The following ZDHHC5 variants were observed in gnomAD, a reference collection of about 807,000 sequenced individuals.
ZDHHC5 encodes palmitoyltransferase ZDHHC5.
ZDHHC5 carries 22 observed loss-of-function variants against 70.0 expected under a neutral mutation model. The observed-to-expected ratio is 0.31, with a 90% CI of 0.22 to 0.45. The LOEUF (loss-of-function observed/expected upper bound fraction) is 0.45. Ranked by LOEUF, ZDHHC5 falls within the 20% of genes least tolerant of loss-of-function variation. The pLI is 1.00. For synonymous variants in ZDHHC5, 313 were observed against 347.8 expected, an observed-to-expected ratio of 0.90 and a Z score of 1.11; for missense variants, 746 against 926.9, an observed-to-expected ratio of 0.80 and a Z score of 2.53.
intron 8 of ZDHHC5, among the ~76,000 whole-genome samples, 170 bp from the exon 9 acceptor site, chr11:57,695,750 C>T (rs754073814): frequency 4.0e-5 from 6 of 149,220 alleles, no homozygotes; most frequent in East Asian, 4.0e-4. Context: ...CATGATCATG[C>T]GTACCACTGT....
rs769146020 is a variant in ZDHHC5 at position 57,690,421 on chromosome 11, G to A, written c.644G>A (p.Arg215His). 6 of 1,614,126 alleles carry A rather than the reference G, an allele frequency of 3.7e-6. No homozygotes were observed. The highest frequency in any genetic ancestry group is 2.2e-5 in the East Asian group (1 of 44,890). Residue 215 changes from arginine (R) to histidine (H), a missense_variant, in exon 6 of 12, where the codon CGC becomes CAC. Transcript: ENST00000287169. ...GFHVVLVARGRTTNEQVTGKF... is the reference protein window; with the variant it reads ...GFHVVLVARGHTTNEQVTGKF... ...CACGTGGTTCTGGTGGCCAGGGGAC[G>A]CACAACCAATGAACAGGTATGGAGA...
intron 2 of ZDHHC5, among the ~76,000 whole-genome samples, chr11:57,674,316 G>GTTTTTTTTTTTTTTTTTTTT (rs34645509): frequency 7.1e-6 from 1 of 140,932 alleles, no homozygotes. Flanking sequence ...TTTTTCCTCA[G>GTTTTTTTTTTTTTTTTTTTT]TTTTTTTTTT....
intron 3 of ZDHHC5, among the ~76,000 whole-genome samples, chr11:57,685,236 A>G (rs1946194777): frequency 6.6e-6 from 1 of 152,224 alleles, no homozygotes; most frequent in African/African-American, 2.4e-5. Flanking sequence ...TGGGTGAGGG[A>G]AAAGAACTTT....
intron 2 of ZDHHC5, among the ~76,000 whole-genome samples, chr11:57,677,974 G>A (rs1946093645): frequency 6.6e-6 from 1 of 152,228 alleles, no homozygotes; most frequent in African/African-American, 2.4e-5. Flanking sequence ...TTGCCCACCT[G>A]TAAAGGGAGA....
chr11:57,671,875 C>G (rs1946011234), intron 1 of ZDHHC5, 146 bp from the exon 2 acceptor site: 2 of 169,806 alleles, frequency 1.2e-5, no homozygotes, highest in Admixed American at 1.3e-4. Context: ...TTCAGAGTCC[C>G]TTCTTACCCA....
At position 57,701,046 on chromosome 11, in the gene ZDHHC5, T is replaced by C. The variant is rs185330509; in HGVS notation, c.*1015T>C. On this transcript the variant is annotated 3_prime_UTR_variant, in exon 12 of 12. Transcript: ENST00000287169. The stretch of plus-strand genomic sequence containing the variant: ...GGTTACCCCTCAGCCCACCTCACTA[T>C]GGTGCTGGGTAGAGGGGATACCTGG... 3 of 152,794 alleles carry C rather than the reference T, an allele frequency of 2.0e-5. No homozygotes were observed. The highest frequency in any genetic ancestry group is 2.0e-4 in the Admixed American group (3 of 15,300). The allele number at this position is 152,794 out of a possible 1,614,324, so 9.5% of individuals were successfully genotyped here. A position where few individuals can be genotyped will look rare whatever the true frequency, so the allele number is the denominator to read the frequency against.
At chr11:57,698,166 T>TA (rs1052158699) in intron 10 of ZDHHC5, among the ~76,000 whole-genome samples, 3 of 143,782 alleles carry the variant, frequency 2.1e-5, no homozygotes, top group Admixed American at 1.4e-4. Context: ...TGCCAACTGT[T>TA]ACGGGAAAAA....
At chr11:57,689,147 G>T (rs1403408310) in intron 4 of ZDHHC5, among the ~76,000 whole-genome samples, 1 of 152,150 alleles carries the variant, frequency 6.6e-6, no homozygotes, top group Non-Finnish European at 1.5e-5. Context: ...TCATGCTGTT[G>T]TGTTTCAATT....
At position 57,696,161 on chromosome 11, in the gene ZDHHC5, C is replaced by T. The variant is rs1414160810; in HGVS notation, c.1009+118C>T. On this transcript the variant is annotated intron_variant, in intron 9 of 11. Coordinates refer to ENST00000287169, the MANE Select transcript of ZDHHC5 (RefSeq NM_015457.3). ...ATATTACTCGTGTTGTGACTTTAAA[C>T]ACCCAACAGTTGGTACTTGTGCTAC... 5 of 1,427,046 alleles carry T rather than the reference C, an allele frequency of 3.5e-6. No homozygotes were observed. The African/African-American group carries it at 4.3e-5, about 12-fold the overall frequency. The allele number at this position is 1,427,046 out of a possible 1,614,324, so 88.4% of individuals were successfully genotyped here.
chr11:57,678,221 TTGATGA>T (rs747205557), intron 2 of ZDHHC5, among the ~76,000 whole-genome samples: 1 of 152,150 alleles, frequency 6.6e-6, no homozygotes, highest in Non-Finnish European at 1.5e-5. Context: ...GGTGGAATAA[TTGATGA>T]TGATGATAAT....
intron 7 of ZDHHC5, 110 bp from the exon 8 acceptor site, chr11:57,693,673 T>G (rs1946313895): frequency 7.0e-7 from 1 of 1,420,908 alleles, no homozygotes; most frequent in African/African-American, 1.5e-5. Flanking sequence ...CTGCAATTAC[T>G]TTTTTACCAA....
Position 57,673,017 on chromosome 11 carries a change from C to A in ZDHHC5, c.-74C>A. On this transcript the variant is annotated 5_prime_UTR_variant, in exon 2 of 12. Coordinates refer to ENST00000287169, the MANE Select transcript of ZDHHC5 (RefSeq NM_015457.3). ...CTCCTCTCTGTTGCTTCCCTCCTCC[C>A]ATTTTCTTGTCTGTTCTGCCGCTGT... 1 of 1,417,836 alleles carries A rather than the reference C, an allele frequency of 7.1e-7. No homozygotes were observed. The highest frequency in any genetic ancestry group is 9.9e-7 in the Non-Finnish European group (1 of 1,005,918). The allele number at this position is 1,417,836 out of a possible 1,614,324, so 87.8% of individuals were successfully genotyped here. A position where few individuals can be genotyped will look rare whatever the true frequency, so the allele number is the denominator to read the frequency against.
intron 1 of ZDHHC5, chr11:57,668,693 T>TA (rs1945959638): frequency 6.6e-6 from 1 of 152,596 alleles, no homozygotes; most frequent in Non-Finnish European, 1.5e-5. Flanking sequence ...TGCTGATACT[T>TA]ATTTTGGCTC....
In ZDHHC5 at chr11:57,682,438, C is replaced by T; in HGVS notation, c.121C>T (p.Leu41=). Residue 41 remains leucine (L), a synonymous_variant, in exon 3 of 12, where the codon CTG becomes TTG. Coordinates refer to ENST00000287169, the MANE Select transcript of ZDHHC5 (RefSeq NM_015457.3). ...TCTGTGCAGGTGTCCAGGACTAAGC[C>T]TGTATGTGTCACCTGCAGTGCCCAT... ...FFAFTCPGLS[L]YVSPAVPIYN... The T allele has an allele frequency of 6.2e-7, 1 of 1,614,044 alleles. No homozygotes were observed. The highest frequency in any genetic ancestry group is 8.5e-7 in the Non-Finnish European group (1 of 1,179,980).
rs752838265 is a variant in ZDHHC5, at chr11:57,698,568, G to A, written c.1132G>A (p.Gly378Arg). ...PHSSSAKLSR[G>R]DSLKEPTSIA... ...TTACTTTCTTCCTCAGTTGAGTCGT[G>A]GGGACAGCTTGAAGGAGCCAACCTC... The change falls in exon 11 of 12, where the codon GGG (glycine) becomes AGG (arginine). Residue 378 changes from glycine to arginine, a missense_variant. By Grantham distance (125) the Gly-to-Arg change is moderately radical (BLOSUM62 -2). Around this residue, in one of 6 missense-constraint regions of ZDHHC5, gnomAD observed 179 missense variants for 178.4 expected, o/e 1.00. Coordinates refer to ENST00000287169, the MANE Select transcript of ZDHHC5 (RefSeq NM_015457.3). 6.2e-7 allele frequency: 1 copy of A among 1,605,302 alleles called. No homozygotes were observed. The highest frequency in any genetic ancestry group is 8.5e-7 in the Non-Finnish European group (1 of 1,175,690).
In ZDHHC5 at chr11:57,682,558, T is replaced by C. The variant is rs1209041925; in HGVS notation, c.226+15T>C. 1 of 1,613,548 alleles carries C rather than the reference T, an allele frequency of 6.2e-7. No individual in the cohort carries two copies. Among genetic ancestry groups the C allele is most frequent in the Non-Finnish European group, 8.5e-7 (1 of 1,179,712 alleles). On this transcript the variant is annotated intron_variant, in intron 3 of 11. Coordinates refer to ENST00000287169, the MANE Select transcript of ZDHHC5 (RefSeq NM_015457.3). ...TTTCCCTCGAGGTAAGATCTGCTTC[T>C]CTCTTAGAAGCACCTTACACTGCCT...
intron 10 of ZDHHC5, among the ~76,000 whole-genome samples, chr11:57,697,214 G>A (rs916906655): frequency 1.1e-4 from 17 of 152,166 alleles, no homozygotes; most frequent in Admixed American, 3.9e-4. Flanking sequence ...TGTAATCCCA[G>A]CACTTTGGGA....
chr11:57,694,464 C>T (rs946393056), intron 8 of ZDHHC5, among the ~76,000 whole-genome samples: 6 of 150,704 alleles, frequency 4.0e-5, no homozygotes, highest in South Asian at 4.2e-4. Flanking sequence ...CAGGTTCAAG[C>T]GATTCTCGTG....
chr11:57,678,397 G>A (rs1017611107), intron 2 of ZDHHC5, among the ~76,000 whole-genome samples: 2 of 151,718 alleles, frequency 1.3e-5, no homozygotes, highest in Admixed American at 6.6e-5. Flanking sequence ...GGTGAAACCC[G>A]TTCTCTACTA....
Sources: allele counts gnomAD v4.1 joint callset (sites outside exome capture counted in the v4.1 genomes callset), GRCh38; gene constraint gnomAD v4.1.1; regional missense constraint gnomAD v4.1.1; transcripts MANE v1.5; gene names NCBI Gene and HGNC (gene_info 2026-07-23, HGNC 2026-07-21).